Variants in LPA observed in about 807,000 individuals in gnomAD.
LPA encodes the protein apolipoprotein(a).
Under a neutral mutation model 197.9 loss-of-function variants are expected in LPA, and 199 were observed. That is an observed-to-expected ratio of 1.01 (90% CI 0.90 to 1.13). The LOEUF (loss-of-function observed/expected upper bound fraction) is 1.13. Ranked by LOEUF, LPA falls within the 50% of genes most tolerant of loss-of-function variation. The probability of loss-of-function intolerance (pLI) is 0.00; values close to 1 mark genes in which losing one functional copy is unlikely to be tolerated. For synonymous variants in LPA, 715 were observed against 639.5 expected (o/e 1.12, Z -1.78); for missense variants, 1,853 against 1,785.8 (o/e 1.04, Z -0.68).
intron 33 of LPA, 30 bp from the exon 34 acceptor site, chr6:160,542,838 A>C: frequency 6.2e-7 from 1 of 1,613,538 alleles, no homozygotes; most frequent in African/African-American, 1.3e-5. Context: ...AAGAAGTCGC[A>C]TTTGAGTCCA....
chr6:160,615,442 G>T (rs1343908703), intron 14 of LPA, among the ~76,000 whole-genome samples: 1 of 112,806 alleles, frequency 8.9e-6, no homozygotes, highest in African/African-American at 4.3e-5. Flanking sequence ...CCTCTGAAAC[G>T]TCTAATTTGA....
In LPA at chr6:160,547,496, T is replaced by TCCAGTA. The variant is rs1043861213; in HGVS notation, c.5304+287_5304+292dup. 7.3e-3 allele frequency among the ~76,000 whole-genome samples: 1,108 copies of TCCAGTA among 152,198 alleles called. 12 individuals carry two copies. Among genetic ancestry groups the TCCAGTA allele is most frequent in the African/African-American group, 0.025 (1,045 of 41,524 alleles). ...TAACAGGCCACAGATAATTACCAGT[T>TCCAGTA]CCAGTACCAGTACCAGTACCAGTAC... On this transcript the variant is annotated intron_variant, in intron 32 of 38. Transcript: ENST00000316300.
chr6:160,635,449 A>G, intron 6 of LPA, 145 bp from the exon 7 acceptor site: 1 of 453,516 alleles, frequency 2.2e-6, no homozygotes, highest in Admixed American at 3.5e-5. Flanking sequence ...GCCACCAGCA[A>G]AAATGGCTCT....
chr6:160,540,590 C>T (rs1191784291), intron 35 of LPA, among the ~76,000 whole-genome samples: 1 of 152,178 alleles, frequency 6.6e-6, no homozygotes, highest in Non-Finnish European at 1.5e-5. Flanking sequence ...CCCACCCCAT[C>T]TCTCTCTGTC....
intron 24 of LPA, among the ~76,000 whole-genome samples, chr6:160,587,787 G>C (rs1338232744): frequency 3.3e-4 from 40 of 122,232 alleles, no homozygotes; most frequent in East Asian, 1.2e-3. Context: ...GTGTGTGTGT[G>C]TGTGTGTGTG....
At chr6:160,635,795 G>A (rs1188702209) in intron 6 of LPA, among the ~76,000 whole-genome samples, 2 of 91,814 alleles carry the variant, frequency 2.2e-5, no homozygotes, top group Non-Finnish European at 4.4e-5. Flanking sequence ...ACGTCATCCA[G>A]GAGGATAGCC....
At chr6:160,658,873 AT>A (rs1196024784) in intron 1 of LPA, among the ~76,000 whole-genome samples, 1 of 137,970 alleles carries the variant, frequency 7.2e-6, no homozygotes, top group Non-Finnish European at 1.6e-5. Context: ...CTAATAGGAG[AT>A]TATATATATA....
At chr6:160,595,933 T>C (rs955320877) in intron 20 of LPA, among the ~76,000 whole-genome samples, 1 of 152,194 alleles carries the variant, frequency 6.6e-6, no homozygotes, top group Admixed American at 6.5e-5. Context: ...AATATGTTCC[T>C]CCAGATTAAC....
In LPA at chr6:160,542,064, A is replaced by G. The variant is rs548766052; in HGVS notation, c.5519+624T>C. 2.6e-5 allele frequency among the ~76,000 whole-genome samples: 4 copies of G among 152,298 alleles called. No homozygotes were observed. In the South Asian group the frequency reaches 8.3e-4, roughly 32 times the overall value. On this transcript the variant is annotated intron_variant, in intron 34 of 38. Coordinates refer to ENST00000316300, the MANE Select transcript of LPA (RefSeq NM_005577.4). ...ATGCAGGCAGATGGGTCTGTGTCCT[A>G]TGTGTTCTTCCTAAGAGACACCCAA...
intron 18 of LPA, among the ~76,000 whole-genome samples, chr6:160,603,233 G>GGTGTGTGTGTGTGTGTGTGT (rs72482597): frequency 9.0e-5 from 13 of 144,760 alleles, no homozygotes; most frequent in South Asian, 2.3e-4. Flanking sequence ...TATTTGTGGA[G>GGTGTGTGTGTGTGTGTGTGT]GTGTGTGTGT....
At chr6:160,634,537 C>G (rs1315596325) in intron 7 of LPA, among the ~76,000 whole-genome samples, 6 of 140,876 alleles carry the variant, frequency 4.3e-5, no homozygotes, top group Non-Finnish European at 7.6e-5. Flanking sequence ...CTCTCTAGAC[C>G]CCTCACAGGT....
intron 16 of LPA, among the ~76,000 whole-genome samples, chr6:160,610,084 T>C (rs143868206): frequency 8.1e-4 from 123 of 152,318 alleles, no homozygotes; most frequent in African/African-American, 2.8e-3. Context: ...CAAATTTTCA[T>C]GCAATTCTAA....
chr6:160,533,441 A>G (rs1583561328), intron 37 of LPA, among the ~76,000 whole-genome samples: 1 of 152,168 alleles, frequency 6.6e-6, no homozygotes, highest in African/African-American at 2.4e-5. Flanking sequence ...AGGAGGTTGT[A>G]TAGCTCAGCT....
chr6:160,604,451 A>G (rs1779305184), intron 18 of LPA, among the ~76,000 whole-genome samples: 2 of 152,208 alleles, frequency 1.3e-5, no homozygotes, highest in Non-Finnish European at 1.5e-5. Flanking sequence ...GCTTCTGTCC[A>G]TCTATCCACC....
intron 28 of LPA, among the ~76,000 whole-genome samples, chr6:160,563,373 G>C (rs1462063146): frequency 3.9e-5 from 6 of 152,082 alleles, no homozygotes. Context: ...ATAGTTGTGT[G>C]GTTTTGAGTG....
intron 37 of LPA, among the ~76,000 whole-genome samples, chr6:160,535,273 G>C (rs1369446811): frequency 6.7e-6 from 1 of 150,284 alleles, no homozygotes; most frequent in Non-Finnish European, 1.5e-5. Context: ...GGTGATGATG[G>C]TGGTGATGGT....
intron 20 of LPA, among the ~76,000 whole-genome samples, chr6:160,596,302 A>T (rs1449242200): frequency 1.3e-5 from 2 of 151,800 alleles, no homozygotes; most frequent in Non-Finnish European, 2.9e-5. Flanking sequence ...CTGTTTCAAG[A>T]GTTTACTCCC....
At position 160,594,188 on chromosome 6, in the gene LPA, C is replaced by G; in HGVS notation, c.3470-71G>C. On this transcript the variant is annotated intron_variant, in intron 21 of 38. Coordinates refer to ENST00000316300, the MANE Select transcript of LPA (RefSeq NM_005577.4). ...CAGAAGCATCAGAAGAAATCTGTGA[C>G]TGAAACAGGATCATTGTCTCTGAGA... 1.9e-6 allele frequency: 3 copies of G among 1,571,732 alleles called. No individual in the cohort carries two copies. The South Asian group carries it at 3.3e-5, about 17-fold the overall frequency.
rs552094807 is a variant in LPA, at chr6:160,653,746, C to T, written c.50-3249G>A. Among the ~76,000 whole-genome samples, 361 of 148,892 alleles carry T rather than the reference C, an allele frequency of 2.4e-3. 1 individual carries two copies. The highest frequency in any genetic ancestry group is 8.3e-3 in the South Asian group (39 of 4,686). On this transcript the variant is annotated intron_variant, in intron 1 of 38. Coordinates refer to ENST00000316300, the MANE Select transcript of LPA (RefSeq NM_005577.4). ...CCAATATCCTTGATGAACACAGATG[C>T]AAAAATTCTCAATAAAATACCAGCA... is the stretch of plus-strand genomic sequence containing the variant.
Sources: gnomAD v4.1 joint callset for allele counts (sites outside exome capture counted in the v4.1 genomes callset) on GRCh38, gnomAD v4.1.1 for gene constraint, MANE v1.5 for transcripts, NCBI Gene and HGNC (gene_info 2026-07-23, HGNC 2026-07-21) for gene names.